GLI3: variants seen among roughly 807,000 people sequenced by gnomAD.
The protein encoded by GLI3 is GLI family zinc finger 3.
GLI3 carries 20 observed loss-of-function variants against 100.8 expected under a neutral mutation model. The observed-to-expected ratio is 0.20, with a 90% CI of 0.14 to 0.29. The LOEUF (loss-of-function observed/expected upper bound fraction) is 0.29. Ranked by LOEUF, GLI3 falls within the 10% of genes least tolerant of loss-of-function variation. GLI3 has a pLI of 1.00. For missense variants in GLI3, 2,040 were observed against 2,128.5 expected, an observed-to-expected ratio of 0.96 and a Z score of 0.82; for synonymous variants, 938 against 860.5, an observed-to-expected ratio of 1.09 and a Z score of -1.58.
chr7:42,254,313 G>C (rs1381011397), intron 1 of GLI3, among the ~76,000 whole-genome samples: 1 of 151,812 alleles, frequency 6.6e-6, no homozygotes, highest in Non-Finnish European at 1.5e-5. Context: ...CTGAAGCCCA[G>C]CATGTGGGCG....
chr7:42,025,921 A>G (rs979923601), intron 8 of GLI3, among the ~76,000 whole-genome samples: 1 of 152,236 alleles, frequency 6.6e-6, no homozygotes, highest in East Asian at 1.9e-4. Context: ...CATGGGATGC[A>G]GGTTACAGAT....
At chr7:42,221,488 A>C (rs1324494688) in intron 2 of GLI3, among the ~76,000 whole-genome samples, 1 of 152,050 alleles carries the variant, frequency 6.6e-6, no homozygotes, top group African/African-American at 2.4e-5. Flanking sequence ...ACCCACACCC[A>C]CACACCTACA....
At chr7:42,254,216 T>C (rs867299699) in intron 1 of GLI3, among the ~76,000 whole-genome samples, 1 of 11,562 alleles carries the variant, frequency 8.6e-5, no homozygotes, top group Non-Finnish European at 2.4e-4. Flanking sequence ...CAAAACTCCG[T>C]TAAAAAAAAA....
At chr7:42,167,407 A>C (rs1174965130) in intron 2 of GLI3, among the ~76,000 whole-genome samples, 5 of 152,210 alleles carry the variant, frequency 3.3e-5, no homozygotes, top group African/African-American at 4.8e-5. Context: ...ATATGAGAGA[A>C]GTACAAGATG....
At chr7:42,145,779 A>G (rs1445242750) in intron 3 of GLI3, among the ~76,000 whole-genome samples, 1 of 152,196 alleles carries the variant, frequency 6.6e-6, no homozygotes, top group Non-Finnish European at 1.5e-5. Flanking sequence ...GGAGGAAGAG[A>G]AAGCAGAGAA....
chr7:42,060,442 T>C (rs1784544564), intron 4 of GLI3, among the ~76,000 whole-genome samples: 2 of 152,172 alleles, frequency 1.3e-5, no homozygotes, highest in African/African-American at 4.8e-5. Context: ...TGGATTTTTT[T>C]TCTTCAAAGT....
chr7:42,148,743 A>C (rs1054233595), intron 2 of GLI3, among the ~76,000 whole-genome samples: 4 of 152,162 alleles, frequency 2.6e-5, no homozygotes, highest in African/African-American at 7.2e-5. Context: ...GCAAATTGGC[A>C]TCACCAGCTT....
chr7:42,088,175 A>G (rs1246934229), intron 3 of GLI3, among the ~76,000 whole-genome samples: 1 of 152,236 alleles, frequency 6.6e-6, no homozygotes, highest in East Asian at 1.9e-4. Context: ...CACACACCTC[A>G]AAGACATTGG....
chr7:42,066,636 T>C (rs190347934), intron 4 of GLI3, among the ~76,000 whole-genome samples: 1 of 152,312 alleles, frequency 6.6e-6, no homozygotes, highest in African/African-American at 2.4e-5. Context: ...ATTTAAACTT[T>C]GAAAATTCTC....
rs1787225412 is a variant in GLI3 at position 41,967,681 on chromosome 7, C to G, written c.2346G>C (p.Arg782Ser). Residue 782 changes from arginine to serine, a missense_variant, in exon 14 of 15, where the codon AGG becomes AGC. By Grantham distance (110) the Arg-to-Ser change is moderately radical. Around this residue, in one of 5 missense-constraint regions of GLI3, gnomAD observed 327 missense variants for 338.7 expected, o/e 0.97. Coordinates refer to ENST00000395925, the MANE Select transcript of GLI3 (RefSeq NM_000168.6). The stretch of plus-strand genomic sequence containing the variant: ...GAAACATTCCATTCACTTGTTTTAG[C>G]CTTTCTAGTTTTACGTGCTCCATCC... ...TKWMEHVKLE[R>S]LKQVNGMFPR... 1 of 1,614,066 alleles carries G rather than the reference C, an allele frequency of 6.2e-7. No homozygotes were observed. The highest frequency in any genetic ancestry group is 1.7e-5 in the Admixed American group (1 of 60,006).
chr7:42,075,628 C>T (rs896259803), intron 4 of GLI3, among the ~76,000 whole-genome samples: 1 of 152,198 alleles, frequency 6.6e-6, no homozygotes, highest in Non-Finnish European at 1.5e-5. Flanking sequence ...TTTCTGCATT[C>T]TCTCTCTATA....
intron 13 of GLI3, among the ~76,000 whole-genome samples, chr7:41,970,570 T>C (rs146154920): frequency 6.6e-6 from 1 of 152,250 alleles, no homozygotes; most frequent in Non-Finnish European, 1.5e-5. Context: ...CAACCTAATA[T>C]GACTGAATTA....
At chr7:42,016,220 G>C (rs528416165) in intron 10 of GLI3, among the ~76,000 whole-genome samples, 1 of 152,176 alleles carries the variant, frequency 6.6e-6, no homozygotes, top group Non-Finnish European at 1.5e-5. Context: ...CAGGACACAT[G>C]AACAGGAGAG....
At chr7:42,106,869 A>T (rs2128764516) in intron 3 of GLI3, among the ~76,000 whole-genome samples, 1 of 152,008 alleles carries the variant, frequency 6.6e-6, no homozygotes. Context: ...AATATCTGGT[A>T]TCCCTATGTT....
intron 3 of GLI3, among the ~76,000 whole-genome samples, chr7:42,139,086 A>G (rs1335329900): frequency 6.6e-6 from 1 of 152,132 alleles, no homozygotes; most frequent in Non-Finnish European, 1.5e-5. Context: ...CCCTATCTCC[A>G]ACCTCAGCCT....
intron 11 of GLI3, 98 bp from the exon 12 acceptor site, chr7:41,977,820 G>GA: frequency 9.1e-7 from 1 of 1,104,332 alleles, no homozygotes; most frequent in Non-Finnish European, 1.4e-6. Context: ...ATGTTTCAAG[G>GA]GTCAGCAGCT....
Position 42,027,607 on chromosome 7 carries a change from C to T in GLI3, c.1029-1195G>A, listed in dbSNP as rs1488035668. Reference sequence around the variant, plus strand: ...AGATATACTCTGTTCATTAATGTGACTCTACATTTTGCCTATTTGACTACA... The same window carrying T: ...AGATATACTCTGTTCATTAATGTGATTCTACATTTTGCCTATTTGACTACA... On this transcript the variant is annotated intron_variant, in intron 7 of 14. Transcript: ENST00000395925. 2.0e-5 allele frequency among the ~76,000 whole-genome samples: 3 copies of T among 152,162 alleles called. No individual in the cohort carries two copies. The East Asian group carries it at 5.8e-4, about 29-fold the overall frequency.
intron 2 of GLI3, among the ~76,000 whole-genome samples, chr7:42,195,325 C>T (rs1296842097): frequency 6.6e-6 from 1 of 152,160 alleles, no homozygotes; most frequent in African/African-American, 2.4e-5. Context: ...CTCTATTTAG[C>T]CAGCTTCGTC....
intron 4 of GLI3, among the ~76,000 whole-genome samples, chr7:42,056,581 T>C (rs1439674254): frequency 1.3e-5 from 2 of 152,220 alleles, no homozygotes; most frequent in Non-Finnish European, 1.5e-5. Context: ...AGGCTAAGGC[T>C]GATTTTTTTA....
Sources: allele counts gnomAD v4.1 joint callset (sites outside exome capture counted in the v4.1 genomes callset), GRCh38; gene constraint gnomAD v4.1.1; regional missense constraint gnomAD v4.1.1; transcripts MANE v1.5; gene names NCBI Gene and HGNC (gene_info 2026-07-23, HGNC 2026-07-21).